Variants in PSPH observed in about 807,000 individuals in gnomAD.
PSPH encodes the protein phosphoserine phosphatase.
Under a neutral mutation model 23.4 loss-of-function variants are expected in PSPH, and 16 were observed. That is an observed-to-expected ratio of 0.68 (90% CI 0.46 to 1.04). PSPH has a LOEUF of 1.04. Ranked by LOEUF, PSPH falls within the 50% of genes least tolerant of loss-of-function variation. The pLI, the probability that PSPH is intolerant of heterozygous loss-of-function variation, is 0.00. For missense variants in PSPH, 223 were observed against 273.7 expected (o/e 0.81, Z 1.31); for synonymous variants, 68 against 99.7 (o/e 0.68, Z 1.89).
chr7:56,025,828 A>G (rs1260318316), intron 3 of PSPH, among the ~76,000 whole-genome samples: 1 of 152,156 alleles, frequency 6.6e-6, no homozygotes, highest in Non-Finnish European at 1.5e-5. Flanking sequence ...TCCTGACCTC[A>G]GGCAATCCAC....
chr7:56,044,020 G>A (rs1409782927), intron 1 of PSPH, among the ~76,000 whole-genome samples: 3 of 151,976 alleles, frequency 2.0e-5, no homozygotes, highest in South Asian at 2.1e-4. Context: ...GCAATGGCGC[G>A]ATCTTGGTGC....
chr7:56,039,104 T>C (rs1021319893), intron 1 of PSPH, among the ~76,000 whole-genome samples: 1 of 144,914 alleles, frequency 6.9e-6, no homozygotes, highest in Non-Finnish European at 1.5e-5. Flanking sequence ...CCTGTGATCA[T>C]GCCATTGCAT....
intron 1 of PSPH, among the ~76,000 whole-genome samples, chr7:56,048,776 C>CGTGT (rs1793580900): frequency 6.8e-6 from 1 of 147,458 alleles, no homozygotes; most frequent in African/African-American, 2.5e-5. Flanking sequence ...GGATTACAGG[C>CGTGT]GTGTGCCACC....
chr7:56,046,551 C>T (rs1407205639), intron 1 of PSPH, among the ~76,000 whole-genome samples: 4 of 151,700 alleles, frequency 2.6e-5, no homozygotes, highest in Non-Finnish European at 4.4e-5. Context: ...TTTGGGAGGC[C>T]GAGGGGGCAA....
At chr7:56,029,288 G>A (rs1167480760) in intron 3 of PSPH, among the ~76,000 whole-genome samples, 1 of 152,056 alleles carries the variant, frequency 6.6e-6, no homozygotes, top group Non-Finnish European at 1.5e-5. Flanking sequence ...AATGGACTCT[G>A]GATTCTTCGT....
chr7:56,027,500 C>A (rs970365943), intron 3 of PSPH, among the ~76,000 whole-genome samples: 7 of 149,144 alleles, frequency 4.7e-5, no homozygotes, highest in African/African-American at 1.5e-4. Flanking sequence ...CCAAGGCAGG[C>A]GAATCACAAG....
At position 56,013,096 on chromosome 7, in the gene PSPH, T is replaced by C. The variant is rs367650280; in HGVS notation, c.571-1227A>G. ...ATATATTTATATACACACATATATA[T>C]ACATATGTGTGTATATATTTATATA... On this transcript the variant is annotated intron_variant, in intron 7 of 7. Coordinates refer to ENST00000275605, the MANE Select transcript of PSPH (RefSeq NM_004577.4). Among the ~76,000 whole-genome samples the C allele has an allele frequency of 1.6e-4, 23 of 144,566 alleles. No individual in the cohort carries two copies. The East Asian group carries it at 4.2e-3, about 27-fold the overall frequency. 94.8% of individuals were successfully genotyped at this position (144,566 alleles called of 152,430 possible). A position where few individuals can be genotyped will look rare whatever the true frequency, so the allele number is the denominator to read the frequency against.
At chr7:56,045,072 C>CA (rs35552809) in intron 1 of PSPH, among the ~76,000 whole-genome samples, 26,951 of 117,214 alleles carry the variant, frequency 0.23, 3,006 homozygotes, top group South Asian at 0.32. Context: ...AACTCTGCCT[C>CA]AAAAAAAAAA....
At chr7:56,045,918 C>T (rs1398545040) in intron 1 of PSPH, among the ~76,000 whole-genome samples, 5 of 149,688 alleles carry the variant, frequency 3.3e-5, no homozygotes, top group African/African-American at 1.2e-4. Context: ...AGAAACAAGT[C>T]TCCTGTGTCA....
At chr7:56,012,277 G>T (rs1157475128) in intron 7 of PSPH, among the ~76,000 whole-genome samples, 2 of 151,666 alleles carry the variant, frequency 1.3e-5, no homozygotes, top group African/African-American at 4.8e-5. Context: ...CTGCAGCCTT[G>T]AACTTCTGGG....
At chr7:56,037,173 C>CTAAT (rs1791834279) in intron 1 of PSPH, among the ~76,000 whole-genome samples, 3 of 83,226 alleles carry the variant, frequency 3.6e-5, no homozygotes, top group African/African-American at 1.4e-4. Context: ...GACTCTGTCT[C>CTAAT]AAAAAAAAAA....
intron 1 of PSPH, among the ~76,000 whole-genome samples, chr7:56,050,154 T>C (rs1793820712): frequency 6.6e-6 from 1 of 152,212 alleles, no homozygotes; most frequent in Non-Finnish European, 1.5e-5. Context: ...ATAGATGTTT[T>C]TGTGATTCTC....
chr7:56,022,430 G>A (rs977004341), intron 3 of PSPH, among the ~76,000 whole-genome samples: 3 of 152,164 alleles, frequency 2.0e-5, no homozygotes, highest in Non-Finnish European at 4.4e-5. Flanking sequence ...TCAAAGGGCA[G>A]GGCATCGATT....
chr7:56,028,133 C>T (rs1790474838), intron 3 of PSPH, among the ~76,000 whole-genome samples: 1 of 152,004 alleles, frequency 6.6e-6, no homozygotes, highest in Non-Finnish European at 1.5e-5. Flanking sequence ...CTGATTTACA[C>T]ATCCCCAGCT....
At chr7:56,042,608 G>A (rs2117122626) in intron 1 of PSPH, among the ~76,000 whole-genome samples, 1 of 150,310 alleles carries the variant, frequency 6.7e-6, no homozygotes, top group Non-Finnish European at 1.5e-5. Flanking sequence ...ACATGTTCGT[G>A]CCACTGCACT....
At chr7:56,038,106 C>A (rs1791971281) in intron 1 of PSPH, among the ~76,000 whole-genome samples, 2 of 151,836 alleles carry the variant, frequency 1.3e-5, no homozygotes, top group East Asian at 1.9e-4. Flanking sequence ...TAAATTGGAA[C>A]AAGCCCTCCG....
intron 5 of PSPH, among the ~76,000 whole-genome samples, chr7:56,017,653 G>C (rs974818132): frequency 6.7e-6 from 1 of 149,006 alleles, no homozygotes; most frequent in Admixed American, 6.8e-5. Flanking sequence ...GGGTTCCAGC[G>C]ATTCTCCTCC....
intron 7 of PSPH, among the ~76,000 whole-genome samples, chr7:56,014,124 A>G (rs1788291621): frequency 6.6e-6 from 1 of 152,150 alleles, no homozygotes; most frequent in Non-Finnish European, 1.5e-5. Flanking sequence ...GTGAGACTCT[A>G]TCTAAGAAAA....
chr7:56,031,232 C>CAAACAAAA (rs1013906792), intron 3 of PSPH, among the ~76,000 whole-genome samples: 1 of 144,020 alleles, frequency 6.9e-6, no homozygotes, highest in Non-Finnish European at 1.5e-5. Flanking sequence ...AAAAAAAAAA[C>CAAACAAAA]AAACAAAACA....
Sources: gnomAD v4.1 joint callset for allele counts (sites outside exome capture counted in the v4.1 genomes callset) on GRCh38, gnomAD v4.1.1 for gene constraint, MANE v1.5 for transcripts, NCBI Gene and HGNC (gene_info 2026-07-23, HGNC 2026-07-21) for gene names.